ADAMTS17: variants seen among roughly 807,000 people sequenced by gnomAD.
ADAMTS17 encodes ADAM metallopeptidase with thrombospondin type 1 motif 17.
ADAMTS17 carries 113 observed loss-of-function variants against 141.5 expected under a neutral mutation model. The observed-to-expected ratio is 0.80, with a 90% CI of 0.69 to 0.93. ADAMTS17 has a LOEUF of 0.93. Among genes scored for constraint, ADAMTS17 ranks in the 40% least tolerant of loss-of-function variants. The pLI, the probability that ADAMTS17 is intolerant of heterozygous loss-of-function variation, is 0.00. For missense variants in ADAMTS17, 1,659 were observed against 1,517.9 expected (o/e 1.09, Z -1.54); for synonymous variants, 768 against 630.6 (o/e 1.22, Z -3.27).
chr15:100,280,845 T>C (rs1282717595), intron 4 of ADAMTS17, among the ~76,000 whole-genome samples: 1 of 152,148 alleles, frequency 6.6e-6, no homozygotes, highest in Non-Finnish European at 1.5e-5. Context: ...CAGTAAGCTC[T>C]TTTTCCCATA....
Position 100,116,833 on chromosome 15 carries a change from C to A in ADAMTS17, c.1888+14G>T, listed in dbSNP as rs1432906487. 1 of 1,613,932 alleles carries A rather than the reference C, an allele frequency of 6.2e-7. No individual in the cohort carries two copies. Among genetic ancestry groups the A allele is most frequent in the Non-Finnish European group, 8.5e-7 (1 of 1,180,028 alleles). On this transcript the variant is annotated intron_variant, in intron 13 of 21. Transcript: ENST00000268070. The stretch of plus-strand genomic sequence containing the variant: ...CAGGAGGCTGCCATGCAAGGACATG[C>A]CATATGCCTTTACCGTCAACCACCA...
chr15:100,050,262 C>T lies in ADAMTS17; in HGVS notation c.2456-1270G>A, dbSNP rs112318335. Among the ~76,000 whole-genome samples, 710 of 152,340 alleles carry T rather than the reference C, an allele frequency of 4.7e-3. 8 individuals carry two copies. The highest frequency in any genetic ancestry group is 0.016 in the African/African-American group (682 of 41,572). The stretch of plus-strand genomic sequence containing the variant: ...AAGCCAACAGCAACAGAACAGCCTG[C>T]CCCTGACCCCAGGAGAGCCTGACTA... On this transcript the variant is annotated intron_variant, in intron 17 of 21. Coordinates refer to ENST00000268070, the MANE Select transcript of ADAMTS17 (RefSeq NM_139057.4).
At chr15:100,340,994 C>A in intron 2 of ADAMTS17, 45 bp downstream of exon 2, 2 of 1,522,904 alleles carry the variant, frequency 1.3e-6, no homozygotes, top group Non-Finnish European at 1.8e-6. Context: ...CACTCTGCGT[C>A]GCAACAGACC....
At chr15:100,119,134 TG>T (rs1484553667) in intron 12 of ADAMTS17, among the ~76,000 whole-genome samples, 4 of 151,666 alleles carry the variant, frequency 2.6e-5, no homozygotes, top group African/African-American at 9.7e-5. Flanking sequence ...GAGAGAGGCC[TG>T]GAACAGATTC....
intron 13 of ADAMTS17, among the ~76,000 whole-genome samples, chr15:100,110,954 C>T (rs1419212107): frequency 3.3e-5 from 5 of 152,236 alleles, no homozygotes; most frequent in African/African-American, 1.2e-4. Context: ...CCCACGAAGT[C>T]TGCTTCTCAC....
intron 10 of ADAMTS17, among the ~76,000 whole-genome samples, chr15:100,145,294 T>C (rs1348577656): frequency 6.6e-6 from 1 of 152,234 alleles, no homozygotes; most frequent in Non-Finnish European, 1.5e-5. Flanking sequence ...TCTCAATTCC[T>C]ACATATGAAT....
chr15:100,074,624 CTAATA>C (rs139570631), intron 15 of ADAMTS17, among the ~76,000 whole-genome samples: 6,285 of 152,056 alleles, frequency 0.041, 449 homozygotes, highest in African/African-American at 0.14. Context: ...GAATTGTTTG[CTAATA>C]TTATATTTAG....
chr15:100,258,464 G>C (rs1199463967), intron 6 of ADAMTS17, among the ~76,000 whole-genome samples: 3 of 152,204 alleles, frequency 2.0e-5, no homozygotes, highest in South Asian at 2.1e-4. Context: ...ACAGAAGAAA[G>C]AGGTTTAATG....
chr15:100,177,978 T>C (rs2040396307), intron 8 of ADAMTS17, among the ~76,000 whole-genome samples: 1 of 150,994 alleles, frequency 6.6e-6, no homozygotes, highest in Non-Finnish European at 1.5e-5. Flanking sequence ...AATATAGCGA[T>C]TCCTGTTTTT....
At chr15:100,261,360 G>C (rs2043509397) in intron 6 of ADAMTS17, 119 bp downstream of exon 6, 1 of 1,420,018 alleles carries the variant, frequency 7.0e-7, no homozygotes, top group East Asian at 2.4e-5. Context: ...CCAAAACCCA[G>C]ACAGGTGGCC....
chr15:100,150,527 G>T (rs72755227), intron 10 of ADAMTS17, among the ~76,000 whole-genome samples: 7 of 152,082 alleles, frequency 4.6e-5, no homozygotes, highest in African/African-American at 1.4e-4. Flanking sequence ...GACAGTGCAA[G>T]GACAAAGTCC....
At chr15:100,166,808 T>C (rs1304244104) in intron 8 of ADAMTS17, among the ~76,000 whole-genome samples, 2 of 152,206 alleles carry the variant, frequency 1.3e-5, no homozygotes, top group African/African-American at 2.4e-5. Flanking sequence ...TAAGGCGTAG[T>C]TGTTCTTCAT....
At chr15:100,077,737 AAC>A (rs1252083836) in intron 15 of ADAMTS17, among the ~76,000 whole-genome samples, 1 of 152,214 alleles carries the variant, frequency 6.6e-6, no homozygotes, top group African/African-American at 2.4e-5. Flanking sequence ...ACTCCCATTC[AAC>A]ACTGTACTGG....
In ADAMTS17 at chr15:100,197,026, T is replaced by C. The variant is rs149595260; in HGVS notation, c.1181+2292A>G. ...CTATAAAGAGTCCTCCAAGAAATTC[T>C]ACACAGTCTATAGCTAAAGGGTACT... On this transcript the variant is annotated intron_variant, in intron 8 of 21. Transcript: ENST00000268070. 3.7e-4 allele frequency among the ~76,000 whole-genome samples: 56 copies of C among 152,370 alleles called. 1 individual carries two copies. The highest frequency in any genetic ancestry group is 5.9e-4 in the Admixed American group (9 of 15,312).
chr15:100,145,990 C>G (rs1441700443), intron 10 of ADAMTS17, among the ~76,000 whole-genome samples: 1 of 152,126 alleles, frequency 6.6e-6, no homozygotes, highest in Non-Finnish European at 1.5e-5. Context: ...CTAGCCAACA[C>G]GGTGGAACCC....
intron 20 of ADAMTS17, among the ~76,000 whole-genome samples, chr15:99,981,037 C>T (rs957618448): frequency 5.9e-5 from 9 of 152,178 alleles, no homozygotes; most frequent in African/African-American, 1.9e-4. Flanking sequence ...GAGGTTGGCA[C>T]GGGTCCACGT....
Position 100,077,637 on chromosome 15 carries a change from C to G in ADAMTS17, c.2137+18719G>C, listed in dbSNP as rs538074926. Among the ~76,000 whole-genome samples the G allele has an allele frequency of 6.6e-5, 10 of 152,220 alleles. No individual in the cohort carries two copies. The East Asian group carries it at 1.9e-3, about 29-fold the overall frequency. On this transcript the variant is annotated intron_variant, in intron 15 of 21. Coordinates refer to ENST00000268070, the MANE Select transcript of ADAMTS17 (RefSeq NM_139057.4). ...GCATGCTCAACCTGATAAAGGGCAT[C>G]TACAAAACTCCACAGCTAACAGCAT...
At chr15:100,041,835 A>C (rs1007439380) in intron 18 of ADAMTS17, among the ~76,000 whole-genome samples, 1 of 152,240 alleles carries the variant, frequency 6.6e-6, no homozygotes, top group Non-Finnish European at 1.5e-5. Flanking sequence ...CAGGAACTCA[A>C]TGGAAAAAGG....
intron 12 of ADAMTS17, 78 bp from the exon 13 acceptor site, chr15:100,117,091 A>AG: frequency 6.6e-7 from 1 of 1,510,292 alleles, no homozygotes; most frequent in Non-Finnish European, 8.9e-7. Context: ...CTCTCTTGCC[A>AG]GGGGGAGGAG....
Sources: allele counts gnomAD v4.1 joint callset (sites outside exome capture counted in the v4.1 genomes callset), GRCh38; gene constraint gnomAD v4.1.1; transcripts MANE v1.5; gene names NCBI Gene and HGNC (gene_info 2026-07-23, HGNC 2026-07-21).